Variants in RBFOX1 observed in about 807,000 individuals in gnomAD.
The protein encoded by RBFOX1 is RNA binding protein fox-1 homolog 1.
Under a neutral mutation model 57.7 loss-of-function variants are expected in RBFOX1, and 8 were observed. The observed-to-expected ratio is 0.14, with a 90% confidence interval of 0.08 to 0.25. RBFOX1 has a LOEUF of 0.25. Among genes scored for constraint, RBFOX1 ranks in the 10% least tolerant of loss-of-function variants. RBFOX1 has a pLI of 1.00. For missense variants in RBFOX1, 611 were observed against 548.5 expected (o/e 1.11, Z -1.14); for synonymous variants, 326 against 222.4 (o/e 1.47, Z -4.15).
At chr16:6,360,455 T>A (rs995878999) in intron 2 of RBFOX1, among the ~76,000 whole-genome samples, 2 of 152,084 alleles carry the variant, frequency 1.3e-5, no homozygotes, top group African/African-American at 4.8e-5. Context: ...GAAAAAAAAA[T>A]GTCCAAGTGA....
chr16:5,557,734 C>T (rs1395367241), intron 2 of RBFOX1, among the ~76,000 whole-genome samples: 1 of 152,158 alleles, frequency 6.6e-6, no homozygotes, highest in African/African-American at 2.4e-5. Context: ...GGGTGGTACC[C>T]AGGTGGGGCA....
chr16:7,103,132 C>A (rs921474356), intron 4 of RBFOX1, among the ~76,000 whole-genome samples: 1 of 151,526 alleles, frequency 6.6e-6, no homozygotes, highest in East Asian at 1.9e-4. Flanking sequence ...AGCTGTCGGA[C>A]CAAAGTATTA....
At chr16:5,976,953 C>T (rs2060075510) in intron 4 of RBFOX1, among the ~76,000 whole-genome samples, 1 of 152,176 alleles carries the variant, frequency 6.6e-6, no homozygotes, top group South Asian at 2.1e-4. Flanking sequence ...CTCTCTGCTT[C>T]CTCCTGCACG....
intron 4 of RBFOX1, among the ~76,000 whole-genome samples, chr16:7,118,156 C>G (rs1002004606): frequency 3.3e-5 from 5 of 152,104 alleles, no homozygotes; most frequent in Admixed American, 3.3e-4. Context: ...AATCTGCATA[C>G]TGTTGCATAC....
At chr16:7,361,486 C>G (rs1178502733) in intron 4 of RBFOX1, among the ~76,000 whole-genome samples, 2 of 152,176 alleles carry the variant, frequency 1.3e-5, no homozygotes, top group Non-Finnish European at 2.9e-5. Flanking sequence ...CTGCTTGACA[C>G]CCTCCTAGTC....
chr16:6,913,022 G>T (rs919324053), intron 3 of RBFOX1, among the ~76,000 whole-genome samples: 1 of 151,958 alleles, frequency 6.6e-6, no homozygotes, highest in Non-Finnish European at 1.5e-5. Context: ...TATTTCTGCT[G>T]GGTGAGGATG....
chr16:6,646,645 C>T (rs1264351672), intron 2 of RBFOX1, among the ~76,000 whole-genome samples: 1 of 152,104 alleles, frequency 6.6e-6, no homozygotes, highest in Non-Finnish European at 1.5e-5. Context: ...ATGCTTATTT[C>T]ACCTGGTCAG....
intron 3 of RBFOX1, among the ~76,000 whole-genome samples, chr16:6,989,920 G>C (rs537693969): frequency 1.3e-4 from 20 of 152,242 alleles, no homozygotes; most frequent in African/African-American, 4.6e-4. Flanking sequence ...AGAATTGCTT[G>C]AATTCAGGAG....
At chr16:6,904,321 C>G (rs1317122907) in intron 3 of RBFOX1, among the ~76,000 whole-genome samples, 1 of 151,990 alleles carries the variant, frequency 6.6e-6, no homozygotes, top group East Asian at 1.9e-4. Flanking sequence ...CATCTTTAGG[C>G]CAGGTGGGCT....
intron 3 of RBFOX1, among the ~76,000 whole-genome samples, chr16:5,835,494 C>T (rs941207834): frequency 3.3e-5 from 5 of 152,182 alleles, no homozygotes; most frequent in African/African-American, 1.2e-4. Context: ...GTATCAACAT[C>T]CTGCCTGTTG....
chr16:5,653,854 T>C (rs2049332704), intron 3 of RBFOX1, among the ~76,000 whole-genome samples: 2 of 152,156 alleles, frequency 1.3e-5, no homozygotes, highest in Admixed American at 1.3e-4. Flanking sequence ...CGTGGCAAAC[T>C]CAGCCAAGAC....
rs373939546 is a variant in RBFOX1, at chr16:6,408,114, G to A, written c.-64+91057G>A. 4.6e-5 allele frequency among the ~76,000 whole-genome samples: 7 copies of A among 152,062 alleles called. No individual in the cohort carries two copies. In the East Asian group the frequency reaches 5.8e-4, roughly 13 times the overall value. ...GCCTTCACTGGACGTCAAATCTGTC[G>A]ACACCTTGATCTTGGACTTCCCTGC... On this transcript the variant is annotated intron_variant, in intron 2 of 15. Transcript: ENST00000550418.
chr16:5,969,845 C>G (rs1428485706), intron 4 of RBFOX1, among the ~76,000 whole-genome samples: 1 of 151,854 alleles, frequency 6.6e-6, no homozygotes, highest in Non-Finnish European at 1.5e-5. Context: ...GCAATATCTT[C>G]TCAGTGTGGA....
At chr16:5,973,889 C>T (rs190661179) in intron 4 of RBFOX1, among the ~76,000 whole-genome samples, 4 of 152,266 alleles carry the variant, frequency 2.6e-5, no homozygotes, top group East Asian at 1.9e-4. Flanking sequence ...AACTTCACTT[C>T]GTAGGGCTCA....
At chr16:7,543,081 G>A (rs1259677917) in intron 5 of RBFOX1, among the ~76,000 whole-genome samples, 1 of 152,146 alleles carries the variant, frequency 6.6e-6, no homozygotes, top group Non-Finnish European at 1.5e-5. Context: ...GGTGGACCAA[G>A]CATGGTACTG....
intron 1 of RBFOX1, among the ~76,000 whole-genome samples, chr16:5,457,178 C>T (rs982167419): frequency 6.6e-6 from 1 of 152,084 alleles, no homozygotes; most frequent in Non-Finnish European, 1.5e-5. Context: ...GTTCTGCCAC[C>T]CAGACTGGAG....
chr16:6,235,828 T>A (rs963573721), intron 1 of RBFOX1, among the ~76,000 whole-genome samples: 7 of 151,954 alleles, frequency 4.6e-5, no homozygotes, highest in Admixed American at 1.3e-4. Flanking sequence ...GGCACAAGAA[T>A]GATACAATGG....
chr16:5,655,445 C>G (rs2049394409), intron 3 of RBFOX1, among the ~76,000 whole-genome samples: 1 of 152,158 alleles, frequency 6.6e-6, no homozygotes, highest in African/African-American at 2.4e-5. Flanking sequence ...GCATATCTGG[C>G]AGGAAATGAC....
chr16:6,210,530 G>T (rs926262662), intron 1 of RBFOX1, among the ~76,000 whole-genome samples: 1 of 151,922 alleles, frequency 6.6e-6, no homozygotes, highest in African/African-American at 2.4e-5. Flanking sequence ...AGGAGTTTGA[G>T]ACCAGGCTGG....
Sources: gnomAD v4.1 joint callset for allele counts (sites outside exome capture counted in the v4.1 genomes callset) on GRCh38, gnomAD v4.1.1 for gene constraint, MANE v1.5 for transcripts, NCBI Gene and HGNC (gene_info 2026-07-23, HGNC 2026-07-21) for gene names.